LZTR1: variants seen among roughly 807,000 people sequenced by gnomAD.
LZTR1 encodes leucine zipper like post translational regulator 1.
A neutral mutation model predicts 105.7 loss-of-function variants in LZTR1; 260 were observed. That is an observed-to-expected ratio of 2.46 (90% CI 2.22 to 2.72). The LOEUF is 2.72. LZTR1 is among the 30% of genes most tolerant of loss of function. The probability of loss-of-function intolerance (pLI) is 0.00; values close to 1 mark genes in which losing one functional copy is unlikely to be tolerated. For synonymous variants in LZTR1, 490 were observed against 476.4 expected (o/e 1.03, Z -0.37); for missense variants, 1,214 against 1,166.9 (o/e 1.04, Z -0.59).
chr22:20,984,294 G>A (rs2147958361), intron 2 of LZTR1, among the ~76,000 whole-genome samples: 1 of 152,250 alleles, frequency 6.6e-6, no homozygotes, highest in Middle Eastern at 3.4e-3. Context: ...CTCCATAAAT[G>A]TTTGTCAAAT....
Position 20,996,071 on chromosome 22 carries a change from C to A in LZTR1, c.2178C>A (p.Tyr726Ter), listed in dbSNP as rs1034395178. 2 of 1,613,354 alleles carry A rather than the reference C, an allele frequency of 1.2e-6. No homozygotes were observed. Among genetic ancestry groups the A allele is most frequent in the Admixed American group, 1.7e-5 (1 of 60,030 alleles). ...SRQAFESMLR[Y>*]IYYGEVNMPP... ...AGGCCTTCGAGTCCATGCTGCGCTACATCTACTACGGCGAGGTCAACATGC... is the reference window on the plus strand; with the variant it reads ...AGGCCTTCGAGTCCATGCTGCGCTAAATCTACTACGGCGAGGTCAACATGC... The change falls in exon 18 of 21, where the codon TAC becomes TAA. Residue 726 changes from tyrosine to a stop codon, truncating the protein, a stop_gained. Coordinates refer to ENST00000646124, the MANE Select transcript of LZTR1 (RefSeq NM_006767.4). LOFTEE classifies it high-confidence loss of function.
At position 20,997,318 on chromosome 22, in the gene LZTR1, G is replaced by A. The variant is rs757595967; in HGVS notation, c.2493G>A (p.Lys831=). ...IDSLASHISD[K]QCAELGADI is the part of the protein sequence containing the mutation. ...CCCTGGCCTCCCACATCTCAGACAA[G>A]CAGTGCGCAGAGCTGGGCGCCGACA... The change falls in exon 21 of 21, where the codon AAG becomes AAA. Residue 831 remains lysine (K), a synonymous_variant. Coordinates refer to ENST00000646124, the MANE Select transcript of LZTR1 (RefSeq NM_006767.4). The A allele has an allele frequency of 6.2e-7, 1 of 1,613,628 alleles. No homozygotes were observed. The highest frequency in any genetic ancestry group is 1.3e-5 in the African/African-American group (1 of 75,046).
rs763644659 is a variant in LZTR1, at chr22:20,996,782, CGGT to C, written c.2308_2310del (p.Val770del). On this transcript the variant is annotated inframe_deletion, in exon 19 of 21. Coordinates refer to ENST00000646124, the MANE Select transcript of LZTR1 (RefSeq NM_006767.4). ...AAGCAGAACCTGGAGATGAACGTGA[CGGT>C]GCAGAACGTGCTGCAGGTAGCCCCC... is the stretch of plus-strand genomic sequence containing the variant. The C allele has an allele frequency of 6.2e-7, 1 of 1,613,638 alleles. No individual in the cohort carries two copies. Among genetic ancestry groups the C allele is most frequent in the Non-Finnish European group, 8.5e-7 (1 of 1,179,982 alleles).
At chr22:20,989,590 A>T (rs780876307) in intron 6 of LZTR1, 35 bp from the exon 7 acceptor site, 1 of 1,591,704 alleles carries the variant, frequency 6.3e-7, no homozygotes, top group East Asian at 2.2e-5. Flanking sequence ...TGACCACCAG[A>T]CCCAAGGGGT....
At position 20,992,271 on chromosome 22, in the gene LZTR1, A is replaced by C; in HGVS notation, c.1051A>C (p.Thr351Pro). 1.9e-6 allele frequency: 3 copies of C among 1,613,832 alleles called. No individual in the cohort carries two copies. The highest frequency in any genetic ancestry group is 2.5e-6 in the Non-Finnish European group (3 of 1,179,932). The change falls in exon 10 of 21, where the codon ACC (threonine) becomes CCC (proline). Residue 351 changes from threonine to proline, a missense_variant. By Grantham distance (38) the Thr-to-Pro change is conservative. Transcript: ENST00000646124. ...TGCTTCCGAGGAGGTGCCCACCCTG[A>C]CCTATGAGGAGCGGGTTGGCTTCAA... ...ACASEEVPTL[T>P]YEERVGFKKS...
rs1601724079 is a variant in LZTR1, at chr22:20,997,232, G to T, written c.2407G>T (p.Val803Phe). Residue 803 changes from valine to phenylalanine, a missense_variant and splice_region_variant, in exon 21 of 21, where the codon GTC (valine) becomes TTC (phenylalanine). Physicochemically the swap from Val to Phe is conservative, Grantham distance 50. Coordinates refer to ENST00000646124, the MANE Select transcript of LZTR1 (RefSeq NM_006767.4). ...TCCTTCCGGCCTGCTTGCCTTACAG[G>T]TCTCCAAGTTGCCCACCCTGCGGTC... is the stretch of plus-strand genomic sequence containing the variant. ...LHIIVHQFTK[V>F]SKLPTLRSLS... 3 of 1,605,672 alleles carry T rather than the reference G, an allele frequency of 1.9e-6. No individual in the cohort carries two copies. The highest frequency in any genetic ancestry group is 1.7e-6 in the Non-Finnish European group (2 of 1,172,454).
intron 3 of LZTR1, 54 bp from the exon 4 acceptor site, chr22:20,987,450 G>T: frequency 1.0e-6 from 1 of 991,902 alleles, no homozygotes; most frequent in Non-Finnish European, 1.6e-6. Context: ...CTGTGGGGGT[G>T]TGGACCTCAT....
Position 20,989,666 on chromosome 22 carries a change from T to G in LZTR1, c.635T>G (p.Leu212Arg), listed in dbSNP as rs138301732. ...ACAATTGGCCTCCAGGACCGAGAGC[T>G]CACCTGCTGGGAGGAGGTGAGGGGC... ...MWTIGLQDRE[L>R]TCWEEVAQSG... Residue 212 changes from leucine (L) to arginine (R), a missense_variant, in exon 7 of 21, where the codon CTC (leucine) becomes CGC (arginine). Physicochemically the swap from Leu to Arg is moderately radical, Grantham distance 102. Coordinates refer to ENST00000646124, the MANE Select transcript of LZTR1 (RefSeq NM_006767.4). 110 of 1,611,760 alleles carry G rather than the reference T, an allele frequency of 6.8e-5. No individual in the cohort carries two copies. The highest frequency in any genetic ancestry group is 8.6e-5 in the Non-Finnish European group (102 of 1,179,610).
At chr22:20,985,628 TG>T (rs973995207) in intron 2 of LZTR1, among the ~76,000 whole-genome samples, 3 of 152,084 alleles carry the variant, frequency 2.0e-5, no homozygotes, top group African/African-American at 7.3e-5. Flanking sequence ...GGCTGGTGTC[TG>T]CCTGTGTGGC....
At position 20,997,359 on chromosome 22, in the gene LZTR1, C is replaced by T. The variant is rs771069227; in HGVS notation, c.*11C>T. On this transcript the variant is annotated 3_prime_UTR_variant, in exon 21 of 21. Coordinates refer to ENST00000646124, the MANE Select transcript of LZTR1 (RefSeq NM_006767.4). Reference sequence around the variant, plus strand: ...GGCGCCGACATCTGAGGCCCTGTGGCGCCTGCCCATTGTGAAGAATCGCCG... The same window carrying T: ...GGCGCCGACATCTGAGGCCCTGTGGTGCCTGCCCATTGTGAAGAATCGCCG... 14 of 1,588,984 alleles carry T rather than the reference C, an allele frequency of 8.8e-6. No individual in the cohort carries two copies. The highest frequency in any genetic ancestry group is 4.5e-5 in the East Asian group (2 of 44,782).
rs559942119 is a variant in LZTR1 at position 20,991,781 on chromosome 22, C to T, written c.945C>T (p.Asp315=). 284 of 1,553,666 alleles carry T rather than the reference C, an allele frequency of 1.8e-4. No individual in the cohort carries two copies. Among genetic ancestry groups the T allele is most frequent in the Non-Finnish European group, 2.3e-4 (266 of 1,148,482 alleles). Residue 315 remains aspartate (D), a synonymous_variant, in exon 9 of 21, where the codon GAC becomes GAT. Transcript: ENST00000646124. The part of the protein sequence containing the change: ...NTLPNELHCY[D]VDFQTWEVVQ... ...TGCCCAACGAGCTGCACTGCTATGA[C>T]GTGGACTTCCAGACCTGGGAGGTCG... is the stretch of plus-strand genomic sequence containing the variant.
At chr22:20,986,157 A>C (rs1385547698) in intron 3 of LZTR1, 7 of 489,318 alleles carry the variant, frequency 1.4e-5, no homozygotes, top group Non-Finnish European at 2.6e-5. Context: ...CTCTACCTCG[A>C]GGCTGATGCT....
intron 6 of LZTR1, among the ~76,000 whole-genome samples, chr22:20,989,202 T>C (rs1924509220): frequency 6.6e-6 from 1 of 152,268 alleles, no homozygotes; most frequent in Non-Finnish European, 1.5e-5. Flanking sequence ...GCCAAAGGCC[T>C]TTTCCTCCTT....
chr22:20,986,014 A>G, intron 3 of LZTR1, 117 bp downstream of exon 3: 2 of 1,110,804 alleles, frequency 1.8e-6, no homozygotes, highest in Non-Finnish European at 2.6e-6. Context: ...AGAAGCTTCC[A>G]GGAGGAGATA....
chr22:20,992,904 G>C lies in LZTR1; in HGVS notation c.1260G>C (p.Gln420His), dbSNP rs1168913250. ...NIRSGEMYRF[Q>H]FSCYPKCTLH... ...GCAGCGGGGAGATGTACAGGTTCCAGGTGTGGGGCCTGTGGGCCTGTAGAG... is the reference window on the plus strand; with the variant it reads ...GCAGCGGGGAGATGTACAGGTTCCACGTGTGGGGCCTGTGGGCCTGTAGAG... The change falls in exon 11 of 21, where the codon CAG (glutamine) becomes CAC (histidine). Residue 420 changes from glutamine (Q) to histidine (H), a missense_variant and splice_region_variant. Coordinates refer to ENST00000646124, the MANE Select transcript of LZTR1 (RefSeq NM_006767.4). 4 of 1,586,834 alleles carry C rather than the reference G, an allele frequency of 2.5e-6. No homozygotes were observed. Among genetic ancestry groups the C allele is most frequent in the African/African-American group, 2.7e-5 (2 of 74,444 alleles).
chr22:20,995,985 T>C lies in LZTR1; in HGVS notation c.2092T>C (p.Ser698Pro). ...RSSYFEAMFR[S>P]FMPEDGQVNI... ...CAGCTACTTTGAAGCCATGTTCCGG[T>C]CCTTCATGCCCGAAGATGGGCAGGT... Residue 698 changes from serine (S) to proline (P), a missense_variant, in exon 18 of 21, where the codon TCC becomes CCC. Coordinates refer to ENST00000646124, the MANE Select transcript of LZTR1 (RefSeq NM_006767.4). 6.2e-7 allele frequency: 1 copy of C among 1,613,748 alleles called. No individual in the cohort carries two copies. The highest frequency in any genetic ancestry group is 8.5e-7 in the Non-Finnish European group (1 of 1,180,020).
intron 2 of LZTR1, 85 bp from the exon 3 acceptor site, chr22:20,985,756 A>G: frequency 7.7e-7 from 1 of 1,304,546 alleles, no homozygotes; most frequent in Non-Finnish European, 1.1e-6. Context: ...CCCCTACTCT[A>G]CCCTGGCTAC....
Position 20,995,802 on chromosome 22 carries a change from T to G in LZTR1, c.1999T>G (p.Cys667Gly). ...AYLEGAGAEF[C>G]DITLLLDGHP... ...CCTGGAGGGAGCGGGCGCGGAATTC[T>G]GTGACATCACTCTGTTGCTTGACGG... Residue 667 changes from cysteine to glycine, a missense_variant, in exon 17 of 21, where the codon TGT (cysteine) becomes GGT (glycine). By Grantham distance (159) the Cys-to-Gly change is radical (BLOSUM62 -3). Transcript: ENST00000646124. 3 of 1,613,596 alleles carry G rather than the reference T, an allele frequency of 1.9e-6. No individual in the cohort carries two copies. Among genetic ancestry groups the G allele is most frequent in the Non-Finnish European group, 2.5e-6 (3 of 1,180,004 alleles).
rs1199776016 is a variant in LZTR1, at chr22:20,988,005, C to G, written c.401-5C>G. The G allele has an allele frequency of 3.9e-6, 6 of 1,548,704 alleles. No homozygotes were observed. On this transcript the variant is annotated splice_region_variant and splice_polypyrimidine_tract_variant and intron_variant, in intron 4 of 20. Coordinates refer to ENST00000646124, the MANE Select transcript of LZTR1 (RefSeq NM_006767.4). Reference sequence around the variant, plus strand: ...GTTTGACAGTTTCTCACTCTCTTTACTCAGGGGGTTACACTGGGGACATTT... The same window carrying G: ...GTTTGACAGTTTCTCACTCTCTTTAGTCAGGGGGTTACACTGGGGACATTT...
Sources: allele counts gnomAD v4.1 joint callset (sites outside exome capture counted in the v4.1 genomes callset), GRCh38; gene constraint gnomAD v4.1.1; transcripts MANE v1.5; gene names NCBI Gene and HGNC (gene_info 2026-07-23, HGNC 2026-07-21).